The following ME1 variants were observed in gnomAD, a reference collection of about 807,000 sequenced individuals.
The protein encoded by ME1 is malic enzyme 1, also known as NADP-dependent malic enzyme.
ME1 carries 74 observed loss-of-function variants against 66.4 expected under a neutral mutation model. That is an observed-to-expected ratio of 1.11 (90% CI 0.92 to 1.35). The LOEUF (loss-of-function observed/expected upper bound fraction) is 1.35, where lower values mean the gene tolerates loss of function less well. Ranked by LOEUF, ME1 falls within the 40% of genes most tolerant of loss-of-function variation. ME1 has a pLI of 0.00. For missense variants in ME1, 750 were observed against 694.1 expected, an observed-to-expected ratio of 1.08 and a Z score of -0.90; for synonymous variants, 251 against 235.6, an observed-to-expected ratio of 1.07 and a Z score of -0.60.
intron 2 of ME1, among the ~76,000 whole-genome samples, chr6:83,404,356 T>A (rs1414393810): frequency 6.6e-6 from 1 of 152,226 alleles, no homozygotes; most frequent in Non-Finnish European, 1.5e-5. Flanking sequence ...GAGTTGTTTT[T>A]TTCTTGTAAA....
At chr6:83,333,062 CTTA>C (rs1768445388) in intron 5 of ME1, among the ~76,000 whole-genome samples, 1 of 152,152 alleles carries the variant, frequency 6.6e-6, no homozygotes, top group Admixed American at 6.5e-5. Context: ...TGAAGACTGT[CTTA>C]TTAACTGGCA....
chr6:83,257,141 T>C (rs1006926860), intron 6 of ME1, among the ~76,000 whole-genome samples: 1 of 151,906 alleles, frequency 6.6e-6, no homozygotes, highest in South Asian at 2.1e-4. Context: ...TGTATACCTA[T>C]GTAACAAACC....
At chr6:83,288,252 T>C (rs1186609218) in intron 6 of ME1, among the ~76,000 whole-genome samples, 2 of 152,196 alleles carry the variant, frequency 1.3e-5, no homozygotes, top group Admixed American at 1.3e-4. Flanking sequence ...TGAATTGTAT[T>C]GCCTAGGTTT....
At chr6:83,214,135 AC>A (rs1278275171) in intron 13 of ME1, among the ~76,000 whole-genome samples, 1 of 152,146 alleles carries the variant, frequency 6.6e-6, no homozygotes, top group Non-Finnish European at 1.5e-5. Context: ...TATTTCCATC[AC>A]CCCAAAAAGA....
chr6:83,302,356 T>C (rs1767743649), intron 6 of ME1, among the ~76,000 whole-genome samples: 1 of 152,094 alleles, frequency 6.6e-6, no homozygotes, highest in African/African-American at 2.4e-5. Flanking sequence ...TAACGAGTAC[T>C]ATGCTTAGTT....
intron 6 of ME1, among the ~76,000 whole-genome samples, chr6:83,308,269 C>T (rs1200981137): frequency 6.6e-6 from 1 of 151,874 alleles, no homozygotes; most frequent in Non-Finnish European, 1.5e-5. Flanking sequence ...TAAAAAAGAA[C>T]ACAATTTTTA....
intron 6 of ME1, among the ~76,000 whole-genome samples, chr6:83,274,752 T>C (rs1229713395): frequency 6.6e-6 from 1 of 152,224 alleles, no homozygotes; most frequent in Non-Finnish European, 1.5e-5. Flanking sequence ...AAACCAGATG[T>C]GCTTGCTGCT....
chr6:83,384,381 G>A (rs1769470450), intron 3 of ME1, among the ~76,000 whole-genome samples: 1 of 151,746 alleles, frequency 6.6e-6, no homozygotes, highest in Non-Finnish European at 1.5e-5. Context: ...GTGTGAGATG[G>A]TATCTCACTG....
intron 9 of ME1, among the ~76,000 whole-genome samples, chr6:83,234,166 A>G (rs1790352805): frequency 6.6e-6 from 1 of 152,210 alleles, no homozygotes; most frequent in Admixed American, 6.5e-5. Context: ...GCTAAAATCT[A>G]TGTATTTTTA....
chr6:83,402,518 C>A (rs1769857901), intron 2 of ME1, among the ~76,000 whole-genome samples: 1 of 152,152 alleles, frequency 6.6e-6, no homozygotes, highest in Admixed American at 6.5e-5. Flanking sequence ...GCACCACATG[C>A]CTCTGAATTA....
intron 7 of ME1, among the ~76,000 whole-genome samples, chr6:83,244,986 T>G (rs1345258471): frequency 2.0e-5 from 3 of 152,134 alleles, no homozygotes; most frequent in Non-Finnish European, 4.4e-5. Flanking sequence ...ACATCACCTG[T>G]GACCTATCAA....
At chr6:83,297,893 C>T (rs2128536051) in intron 6 of ME1, among the ~76,000 whole-genome samples, 1 of 152,292 alleles carries the variant, frequency 6.6e-6, no homozygotes, top group Non-Finnish European at 1.5e-5. Flanking sequence ...GACATGATCT[C>T]ATTCCTTTTT....
chr6:83,403,665 C>T (rs761446213), intron 2 of ME1, among the ~76,000 whole-genome samples: 16 of 152,166 alleles, frequency 1.1e-4, no homozygotes, highest in African/African-American at 3.4e-4. Context: ...CTCCACCCCA[C>T]GACAGGCCCT....
At chr6:83,270,769 C>A (rs994738775) in intron 6 of ME1, among the ~76,000 whole-genome samples, 3 of 152,022 alleles carry the variant, frequency 2.0e-5, no homozygotes, top group African/African-American at 7.2e-5. Context: ...AATACCTTTT[C>A]ACAGTCCACA....
At chr6:83,248,082 C>T (rs568393541) in intron 7 of ME1, among the ~76,000 whole-genome samples, 13 of 152,206 alleles carry the variant, frequency 8.5e-5, no homozygotes, top group Middle Eastern at 3.4e-3. Context: ...CCTGTGCCCC[C>T]GCCTTTAATT....
At chr6:83,299,115 C>A (rs1767663747) in intron 6 of ME1, among the ~76,000 whole-genome samples, 1 of 151,446 alleles carries the variant, frequency 6.6e-6, no homozygotes, top group African/African-American at 2.4e-5. Context: ...TTTAAAGTAG[C>A]TTTTTCTAGT....
chr6:83,430,762 G>T, intron 1 of ME1, 115 bp downstream of exon 1: 1 of 919,450 alleles, frequency 1.1e-6, no homozygotes, highest in Non-Finnish European at 1.6e-6. Context: ...CCGCTCACCG[G>T]GAACCTTCCC....
intron 5 of ME1, among the ~76,000 whole-genome samples, chr6:83,316,022 T>C (rs969372736): frequency 1.3e-5 from 2 of 152,096 alleles, no homozygotes; most frequent in African/African-American, 4.8e-5. Flanking sequence ...AAAAGTGCAA[T>C]TCAGATTTTA....
At chr6:83,277,752 A>T (rs1291944886) in intron 6 of ME1, among the ~76,000 whole-genome samples, 1 of 151,934 alleles carries the variant, frequency 6.6e-6, no homozygotes, top group Non-Finnish European at 1.5e-5. Flanking sequence ...AAATACAAAA[A>T]TTATCCTAGC....
Sources: allele counts gnomAD v4.1 joint callset (sites outside exome capture counted in the v4.1 genomes callset), GRCh38; gene constraint gnomAD v4.1.1; transcripts MANE v1.5; gene names NCBI Gene and HGNC (gene_info 2026-07-23, HGNC 2026-07-21).